PLEKHG1: variants seen among roughly 807,000 people sequenced by gnomAD.
PLEKHG1 encodes the protein pleckstrin homology domain-containing family G member 1.
A neutral mutation model predicts 100.8 loss-of-function variants in PLEKHG1; 44 were observed. That is an observed-to-expected ratio of 0.44 (90% confidence interval 0.34 to 0.56). PLEKHG1 has a LOEUF of 0.56. Ranked by LOEUF, PLEKHG1 falls within the 20% of genes least tolerant of loss-of-function variation. PLEKHG1 has a pLI of 0.01. For missense variants in PLEKHG1, 1,545 were observed against 1,720.9 expected, an observed-to-expected ratio of 0.90 and a Z score of 1.81; for synonymous variants, 640 against 662.5, an observed-to-expected ratio of 0.97 and a Z score of 0.52.
At chr6:150,667,664 T>G (rs982985432) in intron 3 of PLEKHG1, among the ~76,000 whole-genome samples, 1 of 152,208 alleles carries the variant, frequency 6.6e-6, no homozygotes, top group African/African-American at 2.4e-5. Context: ...CTGCATTGAA[T>G]TTGCATTAAA....
chr6:150,686,486 C>A (rs1780135273), intron 3 of PLEKHG1, among the ~76,000 whole-genome samples: 1 of 152,176 alleles, frequency 6.6e-6, no homozygotes. Context: ...AGCCCTCCCA[C>A]ACGTGGTCAT....
intron 13 of PLEKHG1, among the ~76,000 whole-genome samples, chr6:150,821,844 AT>A (rs1776318920): frequency 7.0e-6 from 1 of 142,546 alleles, no homozygotes; most frequent in Non-Finnish European, 1.5e-5. Context: ...TTTTTTTTTT[AT>A]TTTTTTATTT....
intron 2 of PLEKHG1, among the ~76,000 whole-genome samples, chr6:150,639,102 T>C (rs1778141829): frequency 6.6e-6 from 1 of 152,234 alleles, no homozygotes; most frequent in African/African-American, 2.4e-5. Context: ...GAATTCACTT[T>C]AGTATATTTT....
chr6:150,832,314 C>T (rs1251228400), intron 15 of PLEKHG1, 109 bp downstream of exon 16: 1 of 870,304 alleles, frequency 1.1e-6, no homozygotes, highest in African/African-American at 1.7e-5. Context: ...GACACTCAAG[C>T]TTTGTCATCT....
intron 3 of PLEKHG1, among the ~76,000 whole-genome samples, chr6:150,661,825 C>T (rs1454223398): frequency 6.6e-6 from 1 of 152,170 alleles, no homozygotes; most frequent in Non-Finnish European, 1.5e-5. Flanking sequence ...ATAACAGAAG[C>T]ACCTTATGAT....
rs1779991949 is a variant in PLEKHG1, at chr6:150,683,126, T to C, written c.-99+32340T>C. Among the ~76,000 whole-genome samples the C allele has an allele frequency of 6.6e-6, 1 of 152,236 alleles. No homozygotes were observed. The highest frequency in any genetic ancestry group is 2.1e-4 in the South Asian group (1 of 4,834). On this transcript the variant is annotated intron_variant, in intron 3 of 3. Transcript: ENST00000367326. This position sits in a 1 kb window ranked among gnomAD's most constrained non-coding sequence, Gnocchi z 4.0. The stretch of plus-strand genomic sequence containing the variant: ...TTGTGCTCAGAACCACATTAGGCCC[T>C]AAGAGACTCCAGAGAGACACATGGC...
exon 1 of PLEKHG1, chr6:150,599,982 A>G (rs902037825): frequency 5.2e-5 from 12 of 232,266 alleles, no homozygotes; most frequent in Non-Finnish European, 9.1e-5. Context: ...CCGACCTGCG[A>G]GCGCCGCCCG....
chr6:150,712,934 A>C (rs1232241027), intron 3 of PLEKHG1, among the ~76,000 whole-genome samples: 1 of 152,234 alleles, frequency 6.6e-6, no homozygotes, highest in Non-Finnish European at 1.5e-5. Flanking sequence ...GAATTTAGGA[A>C]AATAGTGCAA....
chr6:150,797,069 C>A (rs2128660303), intron 5 of PLEKHG1, among the ~76,000 whole-genome samples: 1 of 152,238 alleles, frequency 6.6e-6, no homozygotes, highest in East Asian at 1.9e-4. Flanking sequence ...CAGCTCACTG[C>A]AACCTCTACC....
At chr6:150,704,398 T>C (rs1459573331) in intron 3 of PLEKHG1, among the ~76,000 whole-genome samples, 1 of 152,246 alleles carries the variant, frequency 6.6e-6, no homozygotes, top group Non-Finnish European at 1.5e-5. Flanking sequence ...CCCAGCATGA[T>C]TCCTGCCTAG....
intron 3 of PLEKHG1, among the ~76,000 whole-genome samples, chr6:150,711,506 G>T (rs1781241001): frequency 6.6e-6 from 1 of 152,190 alleles, no homozygotes. Flanking sequence ...GATGATTTGT[G>T]CAGGGATGGG....
chr6:150,613,930 A>G (rs1776955643), intron 1 of PLEKHG1, among the ~76,000 whole-genome samples: 1 of 152,116 alleles, frequency 6.6e-6, no homozygotes, highest in Non-Finnish European at 1.5e-5. Context: ...CACACAATTA[A>G]CACCTCTAAT....
chr6:150,747,177 C>G (rs983387215), intron 2 of PLEKHG1, among the ~76,000 whole-genome samples: 5 of 152,198 alleles, frequency 3.3e-5, no homozygotes, highest in African/African-American at 1.2e-4. Context: ...TTCAATTATA[C>G]TGAGTGGGTA....
At chr6:150,681,381 G>A (rs558612010) in intron 3 of PLEKHG1, among the ~76,000 whole-genome samples, 8 of 151,934 alleles carry the variant, frequency 5.3e-5, no homozygotes, top group South Asian at 2.1e-4. Flanking sequence ...GCGTGGTGGC[G>A]TGTGCCTGTA....
rs917439905 is a variant in PLEKHG1 at position 150,652,701 on chromosome 6, C to A, written c.-99+1915C>A. ...CACCATTGCACTCCAGCCTGGGCAA[C>A]AAGAGCAAAACTGTGTCTCAAAAAA... On this transcript the variant is annotated intron_variant, in intron 3 of 3. Coordinates refer to the PLEKHG1 transcript ENST00000367326. Among the ~76,000 whole-genome samples, 13 of 128,502 alleles carry A rather than the reference C, an allele frequency of 1.0e-4. No individual in the cohort carries two copies. In the South Asian group the frequency reaches 3.0e-3, roughly 29 times the overall value. 84.3% of individuals were successfully genotyped at this position (128,502 alleles called of 152,430 possible).
chr6:150,681,342 T>C (rs1057171038), intron 3 of PLEKHG1, among the ~76,000 whole-genome samples: 2 of 151,466 alleles, frequency 1.3e-5, no homozygotes, highest in African/African-American at 2.4e-5. Context: ...TGAAAACCCC[T>C]CTCTACCGAA....
chr6:150,808,025 G>A (rs1026458183), intron 7 of PLEKHG1, among the ~76,000 whole-genome samples: 3 of 152,008 alleles, frequency 2.0e-5, no homozygotes, highest in Non-Finnish European at 2.9e-5. Flanking sequence ...CACAACAGGA[G>A]GATTACAGTC....
chr6:150,729,822 C>T lies in PLEKHG1; in HGVS notation c.-98-3762C>T, dbSNP rs138235325. Among the ~76,000 whole-genome samples, 1,166 of 152,152 alleles carry T rather than the reference C, an allele frequency of 7.7e-3. 20 individuals carry two copies. The highest frequency in any genetic ancestry group is 0.026 in the African/African-American group (1,090 of 41,550). ...GCATTGGAACATTTGAAGCTTTCCC[C>T]GCAGCGGTGCCCCCTCCATGTTGCT... On this transcript the variant is annotated intron_variant, in intron 1 of 15. Transcript: ENST00000358517.
intron 2 of PLEKHG1, among the ~76,000 whole-genome samples, chr6:150,737,134 T>G (rs1215137377): frequency 6.6e-6 from 1 of 152,206 alleles, no homozygotes; most frequent in Non-Finnish European, 1.5e-5. Flanking sequence ...TTCATCTGTT[T>G]TGGCTATGAG....
Sources: allele counts gnomAD v4.1 joint callset (sites outside exome capture counted in the v4.1 genomes callset), GRCh38; gene constraint gnomAD v4.1.1; non-coding constraint Gnocchi (gnomAD v3.1); transcripts MANE v1.5; gene names NCBI Gene and HGNC (gene_info 2026-07-23, HGNC 2026-07-21).